The following CLVS2 variants were observed in gnomAD, a reference collection of about 807,000 sequenced individuals.
The protein encoded by CLVS2 is clavesin 2.
Under a neutral mutation model 29.0 loss-of-function variants are expected in CLVS2, and 19 were observed. The observed-to-expected ratio is 0.66, with a 90% CI of 0.46 to 0.96. The LOEUF (loss-of-function observed/expected upper bound fraction) is 0.96. CLVS2 is among the 40% of genes least tolerant of loss of function. The pLI, the probability that CLVS2 is intolerant of heterozygous loss-of-function variation, is 0.00. For missense variants in CLVS2, 294 were observed against 404.1 expected, an observed-to-expected ratio of 0.73 and a Z score of 2.34; for synonymous variants, 161 against 151.3, an observed-to-expected ratio of 1.06 and a Z score of -0.47.
intron 3 of CLVS2, among the ~76,000 whole-genome samples, chr6:123,014,945 T>C (rs990947610): frequency 6.6e-6 from 1 of 152,042 alleles, no homozygotes; most frequent in South Asian, 2.1e-4. Context: ...CCTGGTGAAA[T>C]TTCACCTGTG....
chr6:123,010,276 A>T (rs1241427636), intron 2 of CLVS2, among the ~76,000 whole-genome samples: 1 of 151,990 alleles, frequency 6.6e-6, no homozygotes, highest in Admixed American at 6.6e-5. Context: ...TAGTCAAGTC[A>T]CTTTCACAGT....
At chr6:123,044,819 G>T (rs2114350211) in intron 3 of CLVS2, among the ~76,000 whole-genome samples, 1 of 152,210 alleles carries the variant, frequency 6.6e-6, no homozygotes, top group Middle Eastern at 3.4e-3. Flanking sequence ...TATCTATTTA[G>T]GAACAAAGGT....
At chr6:123,018,802 CAG>C (rs1459659291) in intron 3 of CLVS2, among the ~76,000 whole-genome samples, 1 of 151,638 alleles carries the variant, frequency 6.6e-6, no homozygotes, top group East Asian at 1.9e-4. Context: ...CAATTAATAA[CAG>C]TGTGTTTCTA....
At chr6:123,002,939 C>T (rs1480249157) in intron 2 of CLVS2, among the ~76,000 whole-genome samples, 1 of 152,178 alleles carries the variant, frequency 6.6e-6, no homozygotes, top group Non-Finnish European at 1.5e-5. Flanking sequence ...ACTTCTCTCC[C>T]AGCAGAGCTT....
At chr6:123,054,209 T>C (rs1172002391) in intron 4 of CLVS2, among the ~76,000 whole-genome samples, 2 of 152,214 alleles carry the variant, frequency 1.3e-5, no homozygotes, top group African/African-American at 4.8e-5. Flanking sequence ...AAATAAGGGT[T>C]GCATGTGCCA....
At position 122,997,995 on chromosome 6, in the gene CLVS2, C is replaced by A; in HGVS notation, c.218C>A (p.Ala73Glu). ...FHHFEAFRLL[A>E]QYFEYRQQNL... ...CACTTTGAGGCCTTCCGCCTCCTGGCGCAGTACTTTGAGTACCGGCAGCAG... is the reference window on the plus strand; with the variant it reads ...CACTTTGAGGCCTTCCGCCTCCTGGAGCAGTACTTTGAGTACCGGCAGCAG... Residue 73 changes from alanine to glutamate, a missense_variant, in exon 2 of 6, where the codon GCG becomes GAG. Around this residue, in one of 2 missense-constraint regions of CLVS2, gnomAD observed 212 missense variants for 336.4 expected, o/e 0.63. Coordinates refer to ENST00000275162, the MANE Select transcript of CLVS2 (RefSeq NM_001010852.4). The A allele has an allele frequency of 6.2e-7, 1 of 1,614,142 alleles. No homozygotes were observed. Among genetic ancestry groups the A allele is most frequent in the Non-Finnish European group, 8.5e-7 (1 of 1,180,006 alleles).
rs554289842 is a variant in CLVS2, at chr6:123,030,830, T to C, written c.565-17792T>C. Among the ~76,000 whole-genome samples, 1,130 of 129,256 alleles carry C rather than the reference T, an allele frequency of 8.7e-3. 5 individuals carry two copies. Among genetic ancestry groups the C allele is most frequent in the Middle Eastern group, 0.02 (5 of 248 alleles). 84.8% of individuals were successfully genotyped at this position (129,256 alleles called of 152,430 possible). ...CTTTAGTAAGGAGAATATATATATA[T>C]ATATAAAATATATATATATACACAC... On this transcript the variant is annotated intron_variant, in intron 3 of 5. Coordinates refer to ENST00000275162, the MANE Select transcript of CLVS2 (RefSeq NM_001010852.4).
chr6:123,033,399 T>C (rs1037802185), intron 3 of CLVS2, among the ~76,000 whole-genome samples: 2 of 151,956 alleles, frequency 1.3e-5, no homozygotes, highest in Admixed American at 6.6e-5. Context: ...GACCCAGAAA[T>C]AGACATACAC....
chr6:123,057,504 A>G (rs1333216676), intron 5 of CLVS2, among the ~76,000 whole-genome samples: 1 of 151,610 alleles, frequency 6.6e-6, no homozygotes, highest in African/African-American at 2.4e-5. Flanking sequence ...CCAACACTGC[A>G]CCCAGCTAAT....
intron 5 of CLVS2, among the ~76,000 whole-genome samples, chr6:123,060,301 CT>C (rs1312991414): frequency 4.4e-4 from 67 of 152,270 alleles, no homozygotes; most frequent in African/African-American, 1.5e-3. Flanking sequence ...GTTCACTAGA[CT>C]AAGTATTTTA....
At chr6:123,045,687 C>A (rs1772484928) in intron 3 of CLVS2, among the ~76,000 whole-genome samples, 1 of 152,116 alleles carries the variant, frequency 6.6e-6, no homozygotes, top group Admixed American at 6.6e-5. Context: ...GGATTACAGG[C>A]CAGGCACCAA....
chr6:123,035,747 G>A (rs1775144781), intron 3 of CLVS2, among the ~76,000 whole-genome samples: 1 of 152,088 alleles, frequency 6.6e-6, no homozygotes, highest in African/African-American at 2.4e-5. Context: ...GGCAAGGCAT[G>A]TAATCTTTTT....
chr6:123,061,126 C>T (rs1045492736), intron 5 of CLVS2, among the ~76,000 whole-genome samples: 9 of 152,082 alleles, frequency 5.9e-5, no homozygotes, highest in African/African-American at 2.2e-4. Context: ...CATGGTGAAA[C>T]CTCATTTCTA....
At chr6:123,004,013 T>TA (rs994181314) in intron 2 of CLVS2, among the ~76,000 whole-genome samples, 3 of 152,046 alleles carry the variant, frequency 2.0e-5, no homozygotes, top group South Asian at 2.1e-4. Context: ...GGCAAATGTA[T>TA]AAAAAAAATC....
intron 2 of CLVS2, among the ~76,000 whole-genome samples, chr6:123,005,176 ATTGTT>A (rs1774649758): frequency 6.6e-6 from 1 of 152,144 alleles, no homozygotes; most frequent in Admixed American, 6.5e-5. Flanking sequence ...AGATTTTGCA[ATTGTT>A]TTGAGATTAA....
At chr6:123,006,369 G>C (rs1321299775) in intron 2 of CLVS2, among the ~76,000 whole-genome samples, 1 of 152,148 alleles carries the variant, frequency 6.6e-6, no homozygotes, top group Non-Finnish European at 1.5e-5. Flanking sequence ...AGCCATGGGG[G>C]AGTGGTGTTG....
intron 5 of CLVS2, among the ~76,000 whole-genome samples, chr6:123,061,835 T>G (rs1405140359): frequency 1.3e-5 from 2 of 152,098 alleles, no homozygotes; most frequent in Non-Finnish European, 2.9e-5. Context: ...TGGTATGTAC[T>G]TATGGAATAT....
chr6:123,056,076 C>A (rs1483738507), intron 5 of CLVS2, 50 bp downstream of exon 5: 4 of 1,240,262 alleles, frequency 3.2e-6, no homozygotes, highest in African/African-American at 3.0e-5. Context: ...CAGGGAGAGG[C>A]ATCCTGAGTC....
intron 3 of CLVS2, among the ~76,000 whole-genome samples, chr6:123,037,590 C>T (rs1775172745): frequency 6.6e-6 from 1 of 152,040 alleles, no homozygotes; most frequent in African/African-American, 2.4e-5. Context: ...ACTCATATCT[C>T]CATCAGTTCT....
Sources: allele counts gnomAD v4.1 joint callset (sites outside exome capture counted in the v4.1 genomes callset), GRCh38; gene constraint gnomAD v4.1.1; regional missense constraint gnomAD v4.1.1; transcripts MANE v1.5; gene names NCBI Gene and HGNC (gene_info 2026-07-23, HGNC 2026-07-21).